CTNND2: variants seen among roughly 807,000 people sequenced by gnomAD.
CTNND2 encodes catenin delta-2.
A neutral mutation model predicts 144.4 loss-of-function variants in CTNND2; 22 were observed. The ratio of observed to expected loss-of-function variants is 0.15; its 90% CI spans 0.11 to 0.22. The LOEUF is 0.22. Ranked by LOEUF, CTNND2 falls within the 10% of genes least tolerant of loss-of-function variation. CTNND2 has a pLI of 1.00. For missense variants in CTNND2, 1,353 were observed against 1,618.8 expected (o/e 0.84, Z 2.82); for synonymous variants, 751 against 695.6 (o/e 1.08, Z -1.25).
intron 1 of CTNND2, among the ~76,000 whole-genome samples, chr5:11,821,207 G>A (rs184210415): frequency 9.2e-4 from 140 of 152,172 alleles, no homozygotes; most frequent in African/African-American, 1.2e-3. Context: ...AAGCTTATTC[G>A]TGTCATCTTA....
intron 1 of CTNND2, among the ~76,000 whole-genome samples, chr5:11,895,716 A>G (rs554608318): frequency 6.6e-6 from 1 of 152,332 alleles, no homozygotes; most frequent in East Asian, 1.9e-4. Flanking sequence ...GACATGACAG[A>G]GTGACATAAT....
chr5:11,130,429 A>G (rs1755474241), intron 12 of CTNND2, among the ~76,000 whole-genome samples: 1 of 152,172 alleles, frequency 6.6e-6, no homozygotes, highest in Non-Finnish European at 1.5e-5. Flanking sequence ...AACCAGAAAT[A>G]CCTGAATTAA....
chr5:11,646,422 G>A (rs77212167), intron 2 of CTNND2, among the ~76,000 whole-genome samples: 1,686 of 152,226 alleles, frequency 0.011, 18 homozygotes, highest in East Asian at 0.062. Context: ...TGTTTCCAGT[G>A]CCAGAGCCTT....
intron 2 of CTNND2, among the ~76,000 whole-genome samples, chr5:11,575,941 A>G (rs1215251603): frequency 6.6e-6 from 1 of 152,108 alleles, no homozygotes; most frequent in Admixed American, 6.6e-5. Flanking sequence ...TTCATTCCCA[A>G]AACCAAGAGG....
At chr5:11,711,203 GT>G (rs1561718834) in intron 2 of CTNND2, among the ~76,000 whole-genome samples, 1 of 152,066 alleles carries the variant, frequency 6.6e-6, no homozygotes, top group African/African-American at 2.4e-5. Flanking sequence ...TTACAGGCAT[GT>G]GCCACCACGC....
At position 11,098,758 on chromosome 5, in the gene CTNND2, GA is replaced by G. The variant is rs781622316; in HGVS notation, c.2464-11del. 1.2e-6 allele frequency: 2 copies of G among 1,609,940 alleles called. No individual in the cohort carries two copies. Among genetic ancestry groups the G allele is most frequent in the Non-Finnish European group, 8.5e-7 (1 of 1,178,488 alleles). On this transcript the variant is annotated splice_polypyrimidine_tract_variant and intron_variant, in intron 14 of 21. Coordinates refer to ENST00000304623, the MANE Select transcript of CTNND2 (RefSeq NM_001332.4). ...GTCCTACTCCATCCCACTGGCGGAA[GA>G]AAAACAAGAGAGCAAACATCTTTAA...
chr5:11,192,763 A>C (rs1173967931), intron 11 of CTNND2, among the ~76,000 whole-genome samples: 2 of 152,142 alleles, frequency 1.3e-5, no homozygotes, highest in East Asian at 3.9e-4. Context: ...TAGCCAGGTG[A>C]GTCTGTGTCA....
At chr5:11,366,897 T>G (rs946542263) in intron 7 of CTNND2, among the ~76,000 whole-genome samples, 1 of 152,194 alleles carries the variant, frequency 6.6e-6, no homozygotes, top group South Asian at 2.1e-4. Context: ...TTATTTGGCA[T>G]TCAGAAATTT....
chr5:10,984,877 C>T (rs1363592108), intron 20 of CTNND2, among the ~76,000 whole-genome samples: 4 of 151,968 alleles, frequency 2.6e-5, no homozygotes, highest in Non-Finnish European at 5.9e-5. Context: ...AGTTCAAGAC[C>T]AGCCTGGCCA....
At chr5:11,298,740 C>T (rs115800089) in intron 9 of CTNND2, among the ~76,000 whole-genome samples, 1,803 of 152,240 alleles carry the variant, frequency 0.012, 26 homozygotes, top group African/African-American at 0.041. Flanking sequence ...AGAAATGTGG[C>T]GTGTAGCACG....
chr5:11,545,120 CAAA>C (rs112389408), intron 3 of CTNND2, among the ~76,000 whole-genome samples: 3 of 36,586 alleles, frequency 8.2e-5, no homozygotes, highest in East Asian at 4.1e-4. Flanking sequence ...GACTCCGTCT[CAAA>C]AAAAAAAAAA....
At chr5:11,866,640 G>A (rs569993949) in intron 1 of CTNND2, among the ~76,000 whole-genome samples, 9 of 152,294 alleles carry the variant, frequency 5.9e-5, no homozygotes, top group African/African-American at 2.2e-4. Flanking sequence ...CACATCCTAC[G>A]TGCTAAATGT....
intron 1 of CTNND2, among the ~76,000 whole-genome samples, chr5:11,809,815 G>C (rs1792219709): frequency 6.6e-6 from 1 of 152,146 alleles, no homozygotes; most frequent in South Asian, 2.1e-4. Context: ...GATTGAAAGG[G>C]TACAGGGCAT....
chr5:11,448,638 A>C (rs1221318137), intron 3 of CTNND2, among the ~76,000 whole-genome samples: 2 of 152,178 alleles, frequency 1.3e-5, no homozygotes, highest in African/African-American at 4.8e-5. Flanking sequence ...TAAGGTATTG[A>C]AAATGTTTGT....
chr5:11,078,602 T>C (rs540118983), intron 16 of CTNND2, among the ~76,000 whole-genome samples: 2 of 152,278 alleles, frequency 1.3e-5, no homozygotes, highest in Admixed American at 1.3e-4. Context: ...CACTATTTTG[T>C]TATATTTTAA....
chr5:11,403,313 T>C (rs1457677998), intron 5 of CTNND2, among the ~76,000 whole-genome samples: 1 of 152,226 alleles, frequency 6.6e-6, no homozygotes, highest in Non-Finnish European at 1.5e-5. Flanking sequence ...TTTGGTTTTC[T>C]GCTCCTGTGT....
rs190148479 is a variant in CTNND2, at chr5:11,427,980, T to A, written c.288-15911A>T. 2.9e-3 allele frequency among the ~76,000 whole-genome samples: 439 copies of A among 152,214 alleles called. 4 individuals are homozygous for A. Among genetic ancestry groups the A allele is most frequent in the African/African-American group, 0.01 (425 of 41,526 alleles). On this transcript the variant is annotated intron_variant, in intron 3 of 21. Transcript: ENST00000304623. ...GGGGAGGCGAAAGGCACTTCTTACA[T>A]GGTGACAGCAAGAGCAAATGAGGAA...
At chr5:11,549,754 T>C (rs1004794987) in intron 3 of CTNND2, among the ~76,000 whole-genome samples, 1 of 152,208 alleles carries the variant, frequency 6.6e-6, no homozygotes, top group Non-Finnish European at 1.5e-5. Flanking sequence ...ACCATTTTCA[T>C]AGTGATGAGA....
intron 3 of CTNND2, among the ~76,000 whole-genome samples, chr5:11,413,136 T>G: frequency 6.6e-6 from 1 of 152,116 alleles, no homozygotes; most frequent in East Asian, 1.9e-4. Flanking sequence ...TGGACAATGG[T>G]TTTATAATAA....
Sources: allele counts gnomAD v4.1 joint callset (sites outside exome capture counted in the v4.1 genomes callset), GRCh38; gene constraint gnomAD v4.1.1; transcripts MANE v1.5; gene names NCBI Gene and HGNC (gene_info 2026-07-23, HGNC 2026-07-21).